Variants in RCOR2 observed in about 807,000 individuals in gnomAD.
RCOR2 encodes REST corepressor 2.
Under a neutral mutation model 58.9 loss-of-function variants are expected in RCOR2, and 19 were observed. The observed-to-expected ratio is 0.32, with a 90% confidence interval of 0.23 to 0.47. The LOEUF is 0.47. RCOR2 is among the 20% of genes least tolerant of loss of function. The pLI, the probability that RCOR2 is intolerant of heterozygous loss-of-function variation, is 1.00. For synonymous variants in RCOR2, 286 were observed against 278.7 expected, an observed-to-expected ratio of 1.03 and a Z score of -0.26; for missense variants, 590 against 707.9, an observed-to-expected ratio of 0.83 and a Z score of 1.89.
chr11:63,915,032 C>G, intron 3 of RCOR2, 78 bp from the exon 4 acceptor site: 1 of 1,581,350 alleles, frequency 6.3e-7, no homozygotes, highest in South Asian at 1.1e-5. Flanking sequence ...AAGGGACCAC[C>G]CCACAACGGC....
chr11:63,916,385 G>T lies in RCOR2; in HGVS notation c.72C>A (p.Pro24=), dbSNP rs772186664. The T allele has an allele frequency of 6.2e-7, 1 of 1,607,696 alleles. No individual in the cohort carries two copies. The highest frequency in any genetic ancestry group is 1.3e-5 in the African/African-American group (1 of 74,942). Residue 24 remains proline, a synonymous_variant, in exon 1 of 12, where the codon CCC becomes CCA. Transcript: ENST00000301459. ...ILSRSRAKTV[P]NGGQPHSEDD... The stretch of plus-strand genomic sequence containing the variant: ...CCTCCGAGTGGGGCTGTCCGCCGTT[G>T]GGCACCGTCTTGGCCCGGCTACGGG...
At chr11:63,923,760 C>T in the RCOR2 span, among the ~76,000 whole-genome samples, 1 of 152,194 alleles carries the variant, frequency 6.6e-6, no homozygotes, top group Non-Finnish European at 1.5e-5. Flanking sequence ...AGACCCCTGA[C>T]CCCAGGCTGT....
At chr11:63,923,179 A>G in the RCOR2 span, among the ~76,000 whole-genome samples, 1 of 151,778 alleles carries the variant, frequency 6.6e-6, no homozygotes, top group Non-Finnish European at 1.5e-5. Flanking sequence ...CCTCAGTGCC[A>G]GCCCCACCAC....
At chr11:63,927,363 C>T in the RCOR2 span, among the ~76,000 whole-genome samples, 7 of 152,060 alleles carry the variant, frequency 4.6e-5, no homozygotes, top group African/African-American at 9.7e-5. Context: ...TCAATCTCCC[C>T]GGCTCAAGCA....
rs773049104 is a variant in RCOR2 at position 63,914,085 on chromosome 11, G to A, written c.760C>T (p.Arg254Ter). The change falls in exon 8 of 12, where the codon CGA becomes TGA. Residue 254 changes from arginine to a stop codon, truncating the protein, a stop_gained. Coordinates refer to ENST00000301459, the MANE Select transcript of RCOR2 (RefSeq NM_173587.4). LOFTEE classifies it high-confidence loss of function. ...QVSQYRHHPL[R>*]TRRRPPKGMY... Reference sequence around the variant, plus strand: ...CCCTTGGGTGGGCGACGCCGGGTTCGCAAGGGATGGTGGCGGTACTGAGAC... The same window carrying A: ...CCCTTGGGTGGGCGACGCCGGGTTCACAAGGGATGGTGGCGGTACTGAGAC... The A allele has an allele frequency of 1.2e-6, 2 of 1,613,958 alleles. No individual in the cohort carries two copies. Among genetic ancestry groups the A allele is most frequent in the East Asian group, 2.2e-5 (1 of 44,892 alleles).
At chr11:63,926,406 CCT>C in the RCOR2 span, among the ~76,000 whole-genome samples, 2 of 152,154 alleles carry the variant, frequency 1.3e-5, no homozygotes. Context: ...CCCTGAGTCC[CCT>C]CTCTTTCCTC....
At chr11:63,918,165 C>T (rs1941888123), upstream of RCOR2, among the ~76,000 whole-genome samples, 1 of 151,886 alleles carries the variant, frequency 6.6e-6, no homozygotes, top group Non-Finnish European at 1.5e-5. Context: ...ACACCTCCAC[C>T]CAGGCACACC....
At chr11:63,924,588 T>G in the RCOR2 span, among the ~76,000 whole-genome samples, 9 of 152,196 alleles carry the variant, frequency 5.9e-5, no homozygotes, top group African/African-American at 2.2e-4. Context: ...CTCCAACTCT[T>G]GTGAAGTCCC....
the RCOR2 span, among the ~76,000 whole-genome samples, chr11:63,922,494 A>G: frequency 6.6e-6 from 1 of 152,180 alleles, no homozygotes; most frequent in Admixed American, 6.5e-5. Flanking sequence ...TGGGGATTAC[A>G]GACATGCGCC....
rs965870480 is a variant in RCOR2, at chr11:63,916,223, C to G, written c.127+107G>C. The stretch of plus-strand genomic sequence containing the variant: ...CGCAGAGGCTCCAATCCAGGAGAGG[C>G]AGGAGCCATCAGTGTAACAGGCTCG... On this transcript the variant is annotated intron_variant, in intron 1 of 11. Coordinates refer to ENST00000301459, the MANE Select transcript of RCOR2 (RefSeq NM_173587.4). 3.4e-5 allele frequency: 34 copies of G among 1,009,690 alleles called. No individual in the cohort carries two copies. In the South Asian group the frequency reaches 5.3e-4, roughly 16 times the overall value. 62.5% of individuals were successfully genotyped at this position (1,009,690 alleles called of 1,614,324 possible). A position where few individuals can be genotyped will look rare whatever the true frequency, so the allele number is the denominator to read the frequency against.
chr11:63,924,149 G>C, the RCOR2 span, among the ~76,000 whole-genome samples: 132,431 of 152,192 alleles, frequency 0.87, 58,516 homozygotes, highest in East Asian at 0.99. Context: ...CTCTGGTGAT[G>C]TGCCCACCTC....
upstream of RCOR2, among the ~76,000 whole-genome samples, chr11:63,918,378 C>G (rs1941890793): frequency 6.6e-6 from 1 of 152,174 alleles, no homozygotes. Flanking sequence ...TTCCCGGGGA[C>G]TCCTGCGGAC....
rs760803120 is a variant in RCOR2 at position 63,912,678 on chromosome 11, T to C, written c.1025A>G (p.Gln342Arg). The C allele has an allele frequency of 3.1e-6, 5 of 1,614,096 alleles. No individual in the cohort carries two copies. The highest frequency in any genetic ancestry group is 1.7e-5 in the Admixed American group (1 of 60,028). ...WTTDEQLLAVQAIRRYGKDFG... is the reference protein window; with the variant it reads ...WTTDEQLLAVRAIRRYGKDFG... ...CTTCTCACCACAGTTTAACCCACCT[T>C]GAACAGCCAAAAGCTGCTCATCTGT... The change falls in exon 10 of 12, where the codon CAA (glutamine) becomes CGA (arginine). Residue 342 changes from glutamine (Q) to arginine (R), a missense_variant and splice_region_variant. Coordinates refer to ENST00000301459, the MANE Select transcript of RCOR2 (RefSeq NM_173587.4).
chr11:63,911,812 G>A lies in RCOR2; in HGVS notation c.*53C>T. ...CCTCAGTGACACCAGAGATGCCTGG[G>A]GATGGCCAGCAAAGGGGTCCTGGAG... On this transcript the variant is annotated 3_prime_UTR_variant, in exon 12 of 12. Coordinates refer to ENST00000301459, the MANE Select transcript of RCOR2 (RefSeq NM_173587.4). The A allele has an allele frequency of 6.8e-7, 1 of 1,475,666 alleles. No individual in the cohort carries two copies. Among genetic ancestry groups the A allele is most frequent in the Non-Finnish European group, 8.9e-7 (1 of 1,127,248 alleles). The allele number at this position is 1,475,666 out of a possible 1,614,324, so 91.4% of individuals were successfully genotyped here. A position where few individuals can be genotyped will look rare whatever the true frequency, so the allele number is the denominator to read the frequency against.
upstream of RCOR2, among the ~76,000 whole-genome samples, chr11:63,921,508 A>G (rs1439577262): frequency 6.6e-6 from 1 of 151,944 alleles, no homozygotes; most frequent in Non-Finnish European, 1.5e-5. Context: ...TCCCTAGAGA[A>G]GTGGCAGGAG....
At chr11:63,913,744 AATGCCTGG>A (rs1320154717) in intron 8 of RCOR2, among the ~76,000 whole-genome samples, 1 of 152,116 alleles carries the variant, frequency 6.6e-6, no homozygotes, top group Non-Finnish European at 1.5e-5. Context: ...AGTCCCCCGG[AATGCCTGG>A]ATTACAGGCG....
intron 10 of RCOR2, 28 bp downstream of exon 10, chr11:63,912,648 C>T (rs369680715): frequency 2.0e-5 from 32 of 1,611,922 alleles, no homozygotes; most frequent in East Asian, 1.6e-4. Flanking sequence ...TTCCTGGGGT[C>T]CTCTCTTCTC....
chr11:63,911,787 C>G lies in RCOR2; in HGVS notation c.*78G>C. 6.8e-7 allele frequency: 1 copy of G among 1,459,966 alleles called. No homozygotes were observed. The highest frequency in any genetic ancestry group is 8.9e-7 in the Non-Finnish European group (1 of 1,121,486). The allele number at this position is 1,459,966 out of a possible 1,614,324, so 90.4% of individuals were successfully genotyped here. On this transcript the variant is annotated 3_prime_UTR_variant, in exon 12 of 12. Transcript: ENST00000301459. ...CCGCCAGAGCCCTAGTCCCTTCTGT[C>G]CTCAGTGACACCAGAGATGCCTGGG...
chr11:63,922,404 A>T, the RCOR2 span, among the ~76,000 whole-genome samples: 1 of 152,160 alleles, frequency 6.6e-6, no homozygotes, highest in South Asian at 2.1e-4. Flanking sequence ...CCAGGCTGAA[A>T]TGTAGTGGTA....
Sources: allele counts gnomAD v4.1 joint callset (sites outside exome capture counted in the v4.1 genomes callset), GRCh38; gene constraint gnomAD v4.1.1; transcripts MANE v1.5; gene names NCBI Gene and HGNC (gene_info 2026-07-23, HGNC 2026-07-21).